The following TNFSF4 variants were observed in gnomAD, a reference collection of about 807,000 sequenced individuals.
TNFSF4 encodes tumor necrosis factor ligand superfamily member 4.
Under a neutral mutation model 7.3 loss-of-function variants are expected in TNFSF4, and 4 were observed. The observed-to-expected ratio is 0.55, with a 90% CI of 0.27 to 1.25. The LOEUF (loss-of-function observed/expected upper bound fraction) is 1.25. TNFSF4 is among the 50% of genes most tolerant of loss of function. The pLI is 0.12. For missense variants in TNFSF4, 181 were observed against 208.8 expected (o/e 0.87, Z 0.82); for synonymous variants, 76 against 83.7 (o/e 0.91, Z 0.50).
chr1:173,435,684 C>T, the TNFSF4 span, among the ~76,000 whole-genome samples: 1 of 152,192 alleles, frequency 6.6e-6, no homozygotes, highest in South Asian at 2.1e-4. Flanking sequence ...ATACAGTATG[C>T]AATCAATTTA....
chr1:173,209,745 C>G (rs1371542894), upstream of TNFSF4, among the ~76,000 whole-genome samples: 1 of 152,152 alleles, frequency 6.6e-6, no homozygotes, highest in African/African-American at 2.4e-5. Context: ...TCAAGCAATC[C>G]TCCTGCCTTG....
chr1:173,298,685 T>G, the TNFSF4 span, among the ~76,000 whole-genome samples: 25 of 151,932 alleles, frequency 1.6e-4, no homozygotes, highest in Non-Finnish European at 2.8e-4. Flanking sequence ...TTAGCAGCAG[T>G]GTACAAAAGG....
the TNFSF4 span, among the ~76,000 whole-genome samples, chr1:173,411,000 CTTCT>C: frequency 6.6e-6 from 1 of 152,210 alleles, no homozygotes; most frequent in Non-Finnish European, 1.5e-5. Context: ...GCCTCTCATG[CTTCT>C]TTCTTTGACA....
intron 1 of TNFSF4, among the ~76,000 whole-genome samples, chr1:173,193,379 T>G (rs1045370329): frequency 6.6e-6 from 1 of 152,188 alleles, no homozygotes; most frequent in Non-Finnish European, 1.5e-5. Context: ...TAAGTATCCA[T>G]GCCAGAATTG....
chr1:173,254,280 T>C, the TNFSF4 span, among the ~76,000 whole-genome samples: 1 of 152,116 alleles, frequency 6.6e-6, no homozygotes, highest in Non-Finnish European at 1.5e-5. Flanking sequence ...TTCTATAAAA[T>C]AGAATATGAG....
chr1:173,220,647 G>T, the TNFSF4 span, among the ~76,000 whole-genome samples: 1 of 152,132 alleles, frequency 6.6e-6, no homozygotes, highest in African/African-American at 2.4e-5. Context: ...GCCCTTACTA[G>T]AAAAGACACA....
chr1:173,293,197 C>T, the TNFSF4 span, among the ~76,000 whole-genome samples: 3 of 152,004 alleles, frequency 2.0e-5, no homozygotes, highest in Non-Finnish European at 4.4e-5. Context: ...AGACATCATA[C>T]TACCCAACTT....
At chr1:173,433,543 A>AG in the TNFSF4 span, among the ~76,000 whole-genome samples, 57 of 151,286 alleles carry the variant, frequency 3.8e-4, no homozygotes, top group African/African-American at 1.3e-3. Context: ...AAAAATACAA[A>AG]AAAAAAAAAA....
the TNFSF4 span, among the ~76,000 whole-genome samples, chr1:173,352,489 T>A: frequency 6.6e-6 from 1 of 152,126 alleles, no homozygotes; most frequent in Non-Finnish European, 1.5e-5. Flanking sequence ...TGTCGGCAGG[T>A]TCCATGATGC....
the TNFSF4 span, among the ~76,000 whole-genome samples, chr1:173,378,742 G>A: frequency 6.6e-6 from 1 of 152,130 alleles, no homozygotes. Flanking sequence ...ACATCCCACA[G>A]GAGGACCTCT....
chr1:173,290,023 C>T, the TNFSF4 span, among the ~76,000 whole-genome samples: 1 of 151,648 alleles, frequency 6.6e-6, no homozygotes, highest in African/African-American at 2.4e-5. Flanking sequence ...CCTATAGACC[C>T]AAGAATCTTG....
chr1:173,309,896 A>G, the TNFSF4 span, among the ~76,000 whole-genome samples: 1 of 151,892 alleles, frequency 6.6e-6, no homozygotes, highest in Non-Finnish European at 1.5e-5. Context: ...ATTTTAGCAT[A>G]AAATCTGGTA....
the TNFSF4 span, among the ~76,000 whole-genome samples, chr1:173,283,938 A>G: frequency 9.2e-5 from 14 of 151,940 alleles, no homozygotes; most frequent in African/African-American, 3.4e-4. Flanking sequence ...AAAAAAAAAA[A>G]AAAAAAAAAG....
intron 1 of TNFSF4, chr1:173,205,264 T>A (rs993060380): frequency 1.9e-6 from 3 of 1,605,260 alleles, no homozygotes; most frequent in Non-Finnish European, 2.6e-6. Flanking sequence ...TGCTTCCATC[T>A]CTGTGCCAGG....
the TNFSF4 span, among the ~76,000 whole-genome samples, chr1:173,333,252 G>C: frequency 6.6e-6 from 1 of 152,058 alleles, no homozygotes; most frequent in African/African-American, 2.4e-5. Context: ...ATTAACACTT[G>C]AGTTAGTAAT....
the TNFSF4 span, chr1:173,362,719 C>T: frequency 5.1e-6 from 2 of 394,604 alleles, no homozygotes; most frequent in Non-Finnish European, 5.0e-6. Flanking sequence ...GTATTAATGA[C>T]AACTTCTTAC....
the TNFSF4 span, among the ~76,000 whole-genome samples, chr1:173,291,147 C>T: frequency 6.6e-6 from 1 of 152,162 alleles, no homozygotes; most frequent in Non-Finnish European, 1.5e-5. Context: ...CCTTAAAGAG[C>T]TTTCACTCCT....
chr1:173,386,813 T>G, the TNFSF4 span, among the ~76,000 whole-genome samples: 1 of 152,242 alleles, frequency 6.6e-6, no homozygotes, highest in Admixed American at 6.5e-5. Context: ...GAAGACGGGA[T>G]ATGGAGTCAA....
the TNFSF4 span, among the ~76,000 whole-genome samples, chr1:173,447,580 A>T: frequency 1.3e-5 from 2 of 152,158 alleles, no homozygotes; most frequent in Non-Finnish European, 2.9e-5. Context: ...AGATTTTTTT[A>T]AAGAATGAAA....
Sources: gnomAD v4.1 joint callset for allele counts (sites outside exome capture counted in the v4.1 genomes callset) on GRCh38, gnomAD v4.1.1 for gene constraint, MANE v1.5 for transcripts, NCBI Gene and HGNC (gene_info 2026-07-23, HGNC 2026-07-21) for gene names.